CAMTA1: variants seen among roughly 807,000 people sequenced by gnomAD.
CAMTA1 encodes the protein calmodulin-binding transcription activator 1.
In CAMTA1, 27 loss-of-function variants were observed where a neutral mutation model predicts 170.9. The observed-to-expected ratio is 0.16, with a 90% CI of 0.12 to 0.22. CAMTA1 has a LOEUF of 0.22. CAMTA1 is among the 10% of genes least tolerant of loss of function. The pLI is 1.00. For missense variants in CAMTA1, 1,619 were observed against 2,217.2 expected, an observed-to-expected ratio of 0.73 and a Z score of 5.42; for synonymous variants, 833 against 891.5, an observed-to-expected ratio of 0.93 and a Z score of 1.17.
At chr1:7,439,408 C>T (rs1287335326) in intron 5 of CAMTA1, among the ~76,000 whole-genome samples, 1 of 152,238 alleles carries the variant, frequency 6.6e-6, no homozygotes, top group South Asian at 2.1e-4. Flanking sequence ...CAGGTCAGGC[C>T]GAGTGGACAC....
chr1:7,720,273 C>G (rs141106589), intron 11 of CAMTA1, among the ~76,000 whole-genome samples: 69 of 152,308 alleles, frequency 4.5e-4, no homozygotes, highest in African/African-American at 1.6e-3. Context: ...ACGAAAGCCA[C>G]TCCTTTCATT....
intron 3 of CAMTA1, among the ~76,000 whole-genome samples, chr1:6,928,879 A>C (rs746259847): frequency 1.1e-4 from 16 of 152,344 alleles, no homozygotes; most frequent in Admixed American, 2.0e-4. Context: ...ATGCAGGCAG[A>C]GACCACGTCC....
At chr1:6,899,554 G>GCGCACACA (rs1306510241) in intron 3 of CAMTA1, among the ~76,000 whole-genome samples, 4,605 of 141,086 alleles carry the variant, frequency 0.033, 88 homozygotes, top group Non-Finnish European at 0.052. Context: ...ACGCGCGCGC[G>GCGCACACA]CACACACACA....
At chr1:7,434,964 A>T (rs2092301550) in intron 5 of CAMTA1, among the ~76,000 whole-genome samples, 1 of 151,860 alleles carries the variant, frequency 6.6e-6, no homozygotes, top group Non-Finnish European at 1.5e-5. Context: ...AGGTAAAAGG[A>T]TCACCTGAGC....
At chr1:7,283,008 A>G (rs1419669531) in intron 5 of CAMTA1, among the ~76,000 whole-genome samples, 5 of 152,200 alleles carry the variant, frequency 3.3e-5, no homozygotes, top group African/African-American at 7.2e-5. Flanking sequence ...AATAGTGGGA[A>G]TTTGGAACAA....
At chr1:7,525,875 G>A (rs2094425891) in intron 6 of CAMTA1, among the ~76,000 whole-genome samples, 1 of 152,044 alleles carries the variant, frequency 6.6e-6, no homozygotes, top group Non-Finnish European at 1.5e-5. Context: ...GAGGGAGGCA[G>A]GCAAGACAGT....
At chr1:7,255,267 G>A (rs1294828023) in intron 5 of CAMTA1, among the ~76,000 whole-genome samples, 2 of 151,954 alleles carry the variant, frequency 1.3e-5, no homozygotes, top group Non-Finnish European at 2.9e-5. Flanking sequence ...GCACATGTAC[G>A]CCAGAGCTTA....
chr1:6,875,519 T>C (rs1669587072), intron 3 of CAMTA1, among the ~76,000 whole-genome samples: 1 of 152,120 alleles, frequency 6.6e-6, no homozygotes, highest in South Asian at 2.1e-4. Context: ...TTTCCTGACC[T>C]CGTGATTTGT....
At chr1:6,790,674 T>C (rs1640844919) in intron 1 of CAMTA1, among the ~76,000 whole-genome samples, 2 of 152,200 alleles carry the variant, frequency 1.3e-5, no homozygotes, top group Admixed American at 1.3e-4. Context: ...TGAAGAATTA[T>C]ATCCAAATTT....
rs1236435943 is a variant in CAMTA1 at position 7,096,407 on chromosome 1, C to A, written c.302+5036C>A. 2.6e-5 allele frequency among the ~76,000 whole-genome samples: 4 copies of A among 152,330 alleles called. No homozygotes were observed. In the South Asian group the frequency reaches 8.3e-4, roughly 32 times the overall value. ...AGGACTCCCCGACACCATGGTCTCA[C>A]CGTCAAGTCTCTGTGGATCATTCCC... On this transcript the variant is annotated intron_variant, in intron 4 of 22. Coordinates refer to ENST00000303635, the MANE Select transcript of CAMTA1 (RefSeq NM_015215.4).
At chr1:7,406,498 A>G (rs566594450) in intron 5 of CAMTA1, among the ~76,000 whole-genome samples, 2 of 152,262 alleles carry the variant, frequency 1.3e-5, no homozygotes, top group East Asian at 1.9e-4. Context: ...TGGTTTGACA[A>G]CAATATCCAT....
chr1:6,940,119 A>G (rs1309495958), intron 3 of CAMTA1, among the ~76,000 whole-genome samples: 1 of 152,266 alleles, frequency 6.6e-6, no homozygotes, highest in Non-Finnish European at 1.5e-5. Flanking sequence ...TGGAGTTTGT[A>G]TTAGTCAGGG....
intron 4 of CAMTA1, among the ~76,000 whole-genome samples, chr1:7,232,536 T>C (rs1663033172): frequency 6.6e-6 from 1 of 152,226 alleles, no homozygotes; most frequent in African/African-American, 2.4e-5. Flanking sequence ...TTTATTTTTA[T>C]TGGCCTATCT....
At chr1:7,574,169 C>G (rs543097499) in intron 6 of CAMTA1, among the ~76,000 whole-genome samples, 4 of 123,814 alleles carry the variant, frequency 3.2e-5, no homozygotes, top group Middle Eastern at 3.5e-3. Flanking sequence ...GCATGTGGGC[C>G]GTGCAGGGAG....
chr1:6,883,568 G>C (rs540519886), intron 3 of CAMTA1, among the ~76,000 whole-genome samples: 1 of 152,228 alleles, frequency 6.6e-6, no homozygotes, highest in South Asian at 2.1e-4. Context: ...GAGGATTGAG[G>C]ATAGACCATG....
chr1:6,938,352 T>G (rs866442977), intron 3 of CAMTA1, among the ~76,000 whole-genome samples: 1 of 149,890 alleles, frequency 6.7e-6, no homozygotes, highest in African/African-American at 2.5e-5. Context: ...AGGGCTGGGG[T>G]GGGGAGGATG....
chr1:7,269,695 AAAT>A (rs1669412123), intron 5 of CAMTA1, among the ~76,000 whole-genome samples: 1 of 152,214 alleles, frequency 6.6e-6, no homozygotes, highest in Non-Finnish European at 1.5e-5. Flanking sequence ...GTAGGGGGAA[AAAT>A]AATAGAGTGT....
At chr1:7,427,649 A>G (rs1204873858) in intron 5 of CAMTA1, among the ~76,000 whole-genome samples, 1 of 152,196 alleles carries the variant, frequency 6.6e-6, no homozygotes, top group Non-Finnish European at 1.5e-5. Flanking sequence ...TATAATCCTG[A>G]GTGGCTTGGC....
At chr1:7,257,079 GGGC>G (rs1180704815) in intron 5 of CAMTA1, among the ~76,000 whole-genome samples, 3 of 150,214 alleles carry the variant, frequency 2.0e-5, no homozygotes, top group Admixed American at 6.6e-5. Flanking sequence ...CGCATGGCGG[GGGC>G]GGGGGTTGGT....
Sources: gnomAD v4.1 joint callset for allele counts (sites outside exome capture counted in the v4.1 genomes callset) on GRCh38, gnomAD v4.1.1 for gene constraint, MANE v1.5 for transcripts, NCBI Gene and HGNC (gene_info 2026-07-23, HGNC 2026-07-21) for gene names.